The following PLEKHM3 variants were observed in gnomAD, a reference collection of about 807,000 sequenced individuals.
PLEKHM3 encodes the protein pleckstrin homology domain-containing family M member 3.
In PLEKHM3, 45 loss-of-function variants were observed where a neutral mutation model predicts 81.8. The ratio of observed to expected loss-of-function variants is 0.55; its 90% CI spans 0.43 to 0.71. PLEKHM3 has a LOEUF of 0.71. Among genes scored for constraint, PLEKHM3 ranks in the 30% least tolerant of loss-of-function variants. PLEKHM3 has a pLI of 0.00. For synonymous variants in PLEKHM3, 352 were observed against 356.4 expected (o/e 0.99, Z 0.14); for missense variants, 788 against 924.3 (o/e 0.85, Z 1.91).
chr2:207,892,566 T>C (rs182398652), intron 6 of PLEKHM3, among the ~76,000 whole-genome samples: 1 of 152,252 alleles, frequency 6.6e-6, no homozygotes, highest in Admixed American at 6.5e-5. Context: ...CGTGGAACCC[T>C]TCCCTCTCCA....
At chr2:207,941,831 A>G (rs1442655715) in intron 4 of PLEKHM3, among the ~76,000 whole-genome samples, 1 of 152,240 alleles carries the variant, frequency 6.6e-6, no homozygotes, top group Admixed American at 6.5e-5. Context: ...TTCTCAATAA[A>G]CACATACAAA....
At chr2:207,880,762 CAAAAAAAAAA>C (rs61384566) in intron 6 of PLEKHM3, among the ~76,000 whole-genome samples, 1,541 of 6,990 alleles carry the variant, frequency 0.22, 87 homozygotes, top group African/African-American at 0.39. Flanking sequence ...GACTCTGTCT[CAAAAAAAAAA>C]AAAAAAAAAA....
intron 4 of PLEKHM3, among the ~76,000 whole-genome samples, chr2:207,940,193 C>G (rs148299123): frequency 6.9e-4 from 105 of 152,252 alleles, no homozygotes; most frequent in African/African-American, 2.5e-3. Context: ...AGAAAATAGA[C>G]AAGCAACTAG....
intron 2 of PLEKHM3, among the ~76,000 whole-genome samples, chr2:207,978,165 CA>C (rs1299172856): frequency 1.6e-5 from 2 of 123,480 alleles, no homozygotes; most frequent in African/African-American, 5.3e-5. Flanking sequence ...GAACGTGCAA[CA>C]TCAACGGAGC....
chr2:208,013,888 G>C (rs957387551), intron 1 of PLEKHM3, among the ~76,000 whole-genome samples: 1 of 152,160 alleles, frequency 6.6e-6, no homozygotes, highest in Non-Finnish European at 1.5e-5. Flanking sequence ...AGTTTCTATG[G>C]GCATTCAGAG....
intron 6 of PLEKHM3, among the ~76,000 whole-genome samples, chr2:207,863,091 A>G (rs1249070056): frequency 4.6e-5 from 7 of 152,192 alleles, no homozygotes. Context: ...CCTTCAATTG[A>G]AAGTCCCTCC....
chr2:207,993,678 G>C (rs1187184853), intron 2 of PLEKHM3, among the ~76,000 whole-genome samples: 1 of 151,958 alleles, frequency 6.6e-6, no homozygotes, highest in Non-Finnish European at 1.5e-5. Context: ...AATGGTACCA[G>C]GTCACCAGAG....
intron 7 of PLEKHM3, among the ~76,000 whole-genome samples, chr2:207,858,174 G>GTGTGTGTGTGTGTGTGTA (rs373920637): frequency 8.1e-6 from 1 of 123,260 alleles, no homozygotes; most frequent in African/African-American, 3.5e-5. Flanking sequence ...GTGTGTGTGT[G>GTGTGTGTGTGTGTGTGTA]TATATATTTT....
intron 2 of PLEKHM3, among the ~76,000 whole-genome samples, chr2:207,982,601 G>A (rs544541101): frequency 1.5e-5 from 2 of 137,300 alleles, no homozygotes; most frequent in African/African-American, 5.5e-5. Context: ...TTTTTGAGAC[G>A]AAGTCTTGCT....
intron 4 of PLEKHM3, among the ~76,000 whole-genome samples, chr2:207,934,389 C>T (rs1372963472): frequency 1.3e-5 from 2 of 152,156 alleles, no homozygotes; most frequent in African/African-American, 2.4e-5. Context: ...TGATACCACT[C>T]CATTCACATT....
chr2:207,871,116 A>G (rs1174272027), intron 6 of PLEKHM3, among the ~76,000 whole-genome samples: 1 of 152,214 alleles, frequency 6.6e-6, no homozygotes, highest in Non-Finnish European at 1.5e-5. Flanking sequence ...CCCCATCTCA[A>G]AATAAATAAA....
At chr2:207,947,715 A>G (rs1295140685) in intron 3 of PLEKHM3, among the ~76,000 whole-genome samples, 5 of 152,240 alleles carry the variant, frequency 3.3e-5, no homozygotes, top group African/African-American at 4.8e-5. Context: ...TACTACTACA[A>G]TTACTACTAC....
intron 7 of PLEKHM3, among the ~76,000 whole-genome samples, chr2:207,831,537 T>C (rs184064463): frequency 1.3e-5 from 2 of 152,362 alleles, no homozygotes; most frequent in African/African-American, 4.8e-5. Flanking sequence ...TTCTCATTTG[T>C]AAAATGCTGC....
intron 7 of PLEKHM3, among the ~76,000 whole-genome samples, chr2:207,844,056 A>G (rs1233349085): frequency 6.6e-6 from 1 of 151,950 alleles, no homozygotes; most frequent in Non-Finnish European, 1.5e-5. Context: ...GCACTCAAGC[A>G]TGGGCAGCAG....
At chr2:207,863,349 G>A (rs943042890) in intron 6 of PLEKHM3, among the ~76,000 whole-genome samples, 10 of 152,162 alleles carry the variant, frequency 6.6e-5, no homozygotes, top group Non-Finnish European at 2.9e-5. Context: ...CCTGCAGGCC[G>A]AGGCCCTTCT....
At chr2:207,834,663 G>A (rs555273342) in intron 7 of PLEKHM3, among the ~76,000 whole-genome samples, 1 of 151,802 alleles carries the variant, frequency 6.6e-6, no homozygotes, top group Admixed American at 6.6e-5. Flanking sequence ...GACCTCAGGT[G>A]ATCCACCTGC....
In PLEKHM3 at chr2:207,920,503, T is replaced by C. The variant is rs534967276; in HGVS notation, c.1886+10423A>G. Among the ~76,000 whole-genome samples, 247 of 152,272 alleles carry C rather than the reference T, an allele frequency of 1.6e-3. 1 individual carries two copies. The highest frequency in any genetic ancestry group is 5.6e-3 in the African/African-American group (232 of 41,550). ...TCAGAAGAGAAAATATGACTTGAAC[T>C]GGGATTTCTGAAAAGCTAGTCCAAA... On this transcript the variant is annotated intron_variant, in intron 5 of 7. Coordinates refer to ENST00000427836, the MANE Select transcript of PLEKHM3 (RefSeq NM_001080475.3).
rs565341455 is a variant in PLEKHM3 at position 207,824,123 on chromosome 2, C to T, written c.*4196G>A. 38 of 152,286 alleles carry T rather than the reference C, an allele frequency of 2.5e-4. No homozygotes were observed. The highest frequency in any genetic ancestry group is 8.7e-4 in the African/African-American group (36 of 41,544). 9.4% of individuals were successfully genotyped at this position (152,286 alleles called of 1,614,324 possible). On this transcript the variant is annotated 3_prime_UTR_variant, in exon 8 of 8. Transcript: ENST00000427836. ...GTGCAACATATGAAGCTCCTAATGC[C>T]CATCACTAACAAGTGACACGGAGGC...
At chr2:207,917,053 AT>A (rs1420490564) in intron 5 of PLEKHM3, among the ~76,000 whole-genome samples, 1 of 152,212 alleles carries the variant, frequency 6.6e-6, no homozygotes, top group African/African-American at 2.4e-5. Flanking sequence ...AGCTATTAGG[AT>A]ATCAGGAAGA....
Sources: gnomAD v4.1 joint callset for allele counts (sites outside exome capture counted in the v4.1 genomes callset) on GRCh38, gnomAD v4.1.1 for gene constraint, MANE v1.5 for transcripts, NCBI Gene and HGNC (gene_info 2026-07-23, HGNC 2026-07-21) for gene names.